The following CNKSR2 variants were observed in gnomAD, a reference collection of about 807,000 sequenced individuals.
The protein encoded by CNKSR2 is connector enhancer of kinase suppressor of Ras 2.
Under a neutral mutation model 84.4 loss-of-function variants are expected in CNKSR2, and 14 were observed. The ratio of observed to expected loss-of-function variants is 0.17; its 90% CI spans 0.11 to 0.26. CNKSR2 has a LOEUF of 0.26. CNKSR2 is among the 10% of genes least tolerant of loss of function. The pLI, the probability that CNKSR2 is intolerant of heterozygous loss-of-function variation, is 1.00. For synonymous variants in CNKSR2, 275 were observed against 277.9 expected (o/e 0.99, Z 0.10); for missense variants, 485 against 771.2 (o/e 0.63, Z 4.40).
At chrX:21,446,365 A>G (rs1215592376) in intron 4 of CNKSR2, among the ~76,000 whole-genome samples, 2 of 111,560 alleles carry the variant, frequency 1.8e-5, no homozygotes, top group Non-Finnish European at 3.8e-5. Flanking sequence ...GTGTATGAGA[A>G]TATTATCAAA....
intron 4 of CNKSR2, among the ~76,000 whole-genome samples, chrX:21,445,910 G>C (rs1326805057): frequency 9.0e-6 from 1 of 111,462 alleles, no homozygotes; most frequent in Non-Finnish European, 1.9e-5. Flanking sequence ...AGTAAACATA[G>C]AGATGCTGAT....
At chrX:21,618,170 C>T (rs1021338017) in intron 20 of CNKSR2, among the ~76,000 whole-genome samples, 4 of 110,978 alleles carry the variant, frequency 3.6e-5, no homozygotes, top group East Asian at 2.9e-4. Context: ...AGTTTACCTA[C>T]GGATTTTAGC....
chrX:21,443,219 T>A (rs994016568), intron 4 of CNKSR2, among the ~76,000 whole-genome samples: 1 of 111,307 alleles, frequency 9.0e-6, no homozygotes, highest in Admixed American at 9.6e-5. Flanking sequence ...GAAAATAATA[T>A]TATTTACAAA....
chrX:21,387,865 A>G (rs1196042162), intron 1 of CNKSR2, among the ~76,000 whole-genome samples: 1 of 111,726 alleles, frequency 9.0e-6, no homozygotes, highest in African/African-American at 3.3e-5. Flanking sequence ...CATACTCAGT[A>G]TGACTATACA....
At chrX:21,467,511 A>G (rs1437732264) in intron 4 of CNKSR2, among the ~76,000 whole-genome samples, 1 of 111,262 alleles carries the variant, frequency 9.0e-6, no homozygotes, top group Non-Finnish European at 1.9e-5. Context: ...CTGCTCCTCT[A>G]GCTCCCATAA....
At chrX:21,396,373 A>T (rs1371599816) in intron 1 of CNKSR2, among the ~76,000 whole-genome samples, 1 of 111,163 alleles carries the variant, frequency 9.0e-6, no homozygotes, top group Admixed American at 9.6e-5. Flanking sequence ...TAAAATCAAA[A>T]GTCTGTGTAA....
chrX:21,449,377 T>C (rs953579862), intron 4 of CNKSR2, among the ~76,000 whole-genome samples: 2 of 108,470 alleles, frequency 1.8e-5, no homozygotes, highest in African/African-American at 6.7e-5. Context: ...AACCTTAGGT[T>C]GACTGTGGGT....
chrX:21,554,765 G>A (rs2092123528), intron 11 of CNKSR2, among the ~76,000 whole-genome samples: 1 of 111,104 alleles, frequency 9.0e-6, no homozygotes, highest in East Asian at 2.8e-4. Flanking sequence ...CCATGTCTTT[G>A]CTATTGTGAA....
chrX:21,625,648 T>C (rs2092620039), intron 20 of CNKSR2, among the ~76,000 whole-genome samples: 1 of 112,162 alleles, frequency 8.9e-6, no homozygotes, highest in African/African-American at 3.2e-5. Context: ...TTAGCAGTGG[T>C]TACACTATCA....
chrX:21,454,476 A>G (rs1186746960), intron 4 of CNKSR2, among the ~76,000 whole-genome samples: 1 of 112,443 alleles, frequency 8.9e-6, no homozygotes, highest in Non-Finnish European at 1.9e-5. Flanking sequence ...TGACGGTAGG[A>G]ATTATGTATT....
chrX:21,476,702 G>T (rs2091263821), intron 5 of CNKSR2, among the ~76,000 whole-genome samples: 1 of 111,254 alleles, frequency 9.0e-6, no homozygotes, highest in Non-Finnish European at 1.9e-5. Context: ...CTTTGAATTT[G>T]CCATTAAGTA....
intron 1 of CNKSR2, among the ~76,000 whole-genome samples, chrX:21,402,006 A>G (rs905982116): frequency 9.0e-6 from 1 of 111,595 alleles, no homozygotes; most frequent in Non-Finnish European, 1.9e-5. Flanking sequence ...CTCTGAATCA[A>G]TAGACCATGC....
chrX:21,379,760 T>G (rs1263094306), intron 1 of CNKSR2, among the ~76,000 whole-genome samples: 1 of 111,500 alleles, frequency 9.0e-6, no homozygotes, highest in Non-Finnish European at 1.9e-5. Flanking sequence ...ATTGACAAAC[T>G]TAGGCAAAGA....
At chrX:21,586,145 A>G (rs751434353) in intron 13 of CNKSR2, among the ~76,000 whole-genome samples, 9 of 111,388 alleles carry the variant, frequency 8.1e-5, no homozygotes, top group African/African-American at 1.6e-4. Flanking sequence ...AAAGATAGAG[A>G]TGCCTGAGAG....
intron 6 of CNKSR2, chrX:21,494,029 G>C (rs936359277): frequency 1.8e-5 from 2 of 110,673 alleles, no homozygotes; most frequent in Non-Finnish European, 3.8e-5. Context: ...AAAAAAAATA[G>C]CTTTAATATA....
intron 13 of CNKSR2, 136 bp downstream of exon 13, chrX:21,563,588 C>T: frequency 2.2e-6 from 1 of 450,993 alleles, no homozygotes. Context: ...AGTTTATGCC[C>T]TTAAAAAATG....
chrX:21,417,154 C>T (rs2090433868), intron 1 of CNKSR2, among the ~76,000 whole-genome samples: 1 of 111,730 alleles, frequency 9.0e-6, no homozygotes, highest in African/African-American at 3.2e-5. Flanking sequence ...CAATTTCCTT[C>T]CTAATTTCTT....
chrX:21,443,200 AAC>A (rs1984996582), intron 4 of CNKSR2, among the ~76,000 whole-genome samples: 1 of 111,706 alleles, frequency 9.0e-6, no homozygotes, highest in Admixed American at 9.6e-5. Flanking sequence ...TAAAGTGAAA[AAC>A]AAAGATGAAA....
chrX:21,637,700 C>T (rs2147331717), intron 20 of CNKSR2, among the ~76,000 whole-genome samples: 1 of 111,421 alleles, frequency 9.0e-6, no homozygotes, highest in East Asian at 2.8e-4. Context: ...CCACTGTCTC[C>T]AATACTTACA....
Sources: allele counts gnomAD v4.1 joint callset (sites outside exome capture counted in the v4.1 genomes callset), GRCh38; gene constraint gnomAD v4.1.1; transcripts MANE v1.5; gene names NCBI Gene and HGNC (gene_info 2026-07-23, HGNC 2026-07-21).